The following SH2B2 variants were observed in gnomAD, a reference collection of about 807,000 sequenced individuals.
SH2B2 encodes the protein SH2B adapter protein 2.
SH2B2 carries 37 observed loss-of-function variants against 35.7 expected under a neutral mutation model. The observed-to-expected ratio is 1.04, with a 90% confidence interval of 0.80 to 1.36. The LOEUF is 1.36. SH2B2 is among the 40% of genes most tolerant of loss of function. The pLI is 0.00. For synonymous variants in SH2B2, 383 were observed against 376.4 expected (o/e 1.02, Z -0.20); for missense variants, 852 against 817.7 (o/e 1.04, Z -0.51).
intron 6 of SH2B2, among the ~76,000 whole-genome samples, chr7:102,315,744 GAAA>G (rs61456197): frequency 2.2e-5 from 2 of 90,588 alleles, no homozygotes; most frequent in Non-Finnish European, 3.9e-5. Flanking sequence ...CCTGTGAAAA[GAAA>G]AAAAAAAAAA....
At chr7:102,287,923 A>G (rs1792518623) in intron 1 of SH2B2, among the ~76,000 whole-genome samples, 1 of 152,162 alleles carries the variant, frequency 6.6e-6, no homozygotes, top group Non-Finnish European at 1.5e-5. Context: ...GAACACGAAT[A>G]AGCCAGGATC....
At chr7:102,305,633 TA>T (rs1328721895) in intron 2 of SH2B2, among the ~76,000 whole-genome samples, 5 of 152,140 alleles carry the variant, frequency 3.3e-5, no homozygotes, top group African/African-American at 1.2e-4. Context: ...ACAGGAAGGG[TA>T]ACTATTGTCT....
chr7:102,298,133 A>T (rs1253177847), intron 1 of SH2B2, among the ~76,000 whole-genome samples: 1 of 152,176 alleles, frequency 6.6e-6, no homozygotes, highest in Non-Finnish European at 1.5e-5. Context: ...GGGTAAACAG[A>T]GGCAGATTAT....
At chr7:102,316,224 CTA>C (rs1586602486) in intron 6 of SH2B2, among the ~76,000 whole-genome samples, 2 of 152,202 alleles carry the variant, frequency 1.3e-5, no homozygotes, top group East Asian at 3.9e-4. Flanking sequence ...CTGCAGTGAG[CTA>C]TGATTGTGCC....
At chr7:102,302,650 C>T (rs779434990) in intron 2 of SH2B2, among the ~76,000 whole-genome samples, 9 of 152,254 alleles carry the variant, frequency 5.9e-5, no homozygotes, top group Non-Finnish European at 1.2e-4. Flanking sequence ...GGGTACCCCA[C>T]CCCAGCGAGG....
intron 2 of SH2B2, among the ~76,000 whole-genome samples, chr7:102,303,959 C>T (rs76301657): frequency 0.018 from 2,817 of 152,280 alleles, 69 homozygotes; most frequent in African/African-American, 0.063. Context: ...GGGCCCTTCC[C>T]CTCCTTTGTG....
chr7:102,319,871 T>C (rs977817037), intron 7 of SH2B2, among the ~76,000 whole-genome samples: 10 of 151,664 alleles, frequency 6.6e-5, no homozygotes, highest in Non-Finnish European at 1.5e-4. Context: ...GAGCTTTCCA[T>C]GCCTCCGGGT....
intron 1 of SH2B2, among the ~76,000 whole-genome samples, chr7:102,299,020 A>T (rs1793035114): frequency 7.3e-6 from 1 of 136,556 alleles, no homozygotes; most frequent in African/African-American, 2.8e-5. Flanking sequence ...TCCGAGGTTC[A>T]CGCCATTCTC....
chr7:102,308,142 G>A (rs1271031742), intron 3 of SH2B2, among the ~76,000 whole-genome samples: 2 of 152,222 alleles, frequency 1.3e-5, no homozygotes, highest in Non-Finnish European at 2.9e-5. Flanking sequence ...CCAGAGACCT[G>A]GGTTCAGGCC....
At chr7:102,317,449 G>C (rs1586605263) in intron 7 of SH2B2, 54 bp downstream of exon 7, 1 of 1,455,038 alleles carries the variant, frequency 6.9e-7, no homozygotes, top group Non-Finnish European at 9.2e-7. Flanking sequence ...GAGGGAGAGG[G>C]GTCATGGTGA....
intron 6 of SH2B2, among the ~76,000 whole-genome samples, chr7:102,315,767 A>T (rs1464830514): frequency 7.0e-6 from 1 of 142,720 alleles, no homozygotes; most frequent in Non-Finnish European, 1.5e-5. Flanking sequence ...AAAAAAGAAA[A>T]GAAAAGAAGA....
chr7:102,317,353 T>G lies in SH2B2; in HGVS notation c.1353T>G (p.Pro451=). The part of the protein sequence containing the change: ...LFVIRQSETR[P]GEYVLTFNFQ... ...TGATCCGCCAAAGTGAGACTCGGCC[T>G]GGGGAGTACGTGCTGACCTTCAACT... The change falls in exon 7 of 9, where the codon CCT becomes CCG. Residue 451 remains proline, a synonymous_variant. Coordinates refer to ENST00000444095, the MANE Select transcript of SH2B2 (RefSeq NM_001359228.2). 6.2e-7 allele frequency: 1 copy of G among 1,606,506 alleles called. No individual in the cohort carries two copies. Among genetic ancestry groups the G allele is most frequent in the Non-Finnish European group, 8.5e-7 (1 of 1,174,326 alleles).
chr7:102,294,447 G>A (rs570734845), intron 1 of SH2B2, among the ~76,000 whole-genome samples: 2 of 152,266 alleles, frequency 1.3e-5, no homozygotes, highest in African/African-American at 4.8e-5. Context: ...AGGAGCTCCC[G>A]CCCTGCCCAT....
At chr7:102,299,006 C>T (rs558744347) in intron 1 of SH2B2, among the ~76,000 whole-genome samples, 11 of 147,036 alleles carry the variant, frequency 7.5e-5, no homozygotes, top group Admixed American at 3.4e-4. Flanking sequence ...CTGCAAGCTC[C>T]GCCTCCGAGG....
intron 8 of SH2B2, among the ~76,000 whole-genome samples, chr7:102,320,773 G>T (rs1794024952): frequency 6.6e-6 from 1 of 152,082 alleles, no homozygotes. Context: ...GTGTATGGGG[G>T]TGGGGACAGG....
intron 1 of SH2B2, among the ~76,000 whole-genome samples, chr7:102,298,843 C>CAGGCCAATGTGT (rs2132941640): frequency 6.6e-6 from 1 of 151,606 alleles, no homozygotes; most frequent in East Asian, 1.9e-4. Flanking sequence ...GCTGGAATTA[C>CAGGCCAATGTGT]AGGCCAATGT....
At chr7:102,294,924 T>G (rs1217872293) in intron 1 of SH2B2, among the ~76,000 whole-genome samples, 1 of 152,070 alleles carries the variant, frequency 6.6e-6, no homozygotes, top group Non-Finnish European at 1.5e-5. Flanking sequence ...CAGGGTTAGG[T>G]AGGAGAGGTC....
chr7:102,307,420 G>A (rs1004302549), intron 3 of SH2B2, among the ~76,000 whole-genome samples: 5 of 152,286 alleles, frequency 3.3e-5, no homozygotes, highest in Middle Eastern at 3.4e-3. Context: ...CAATGTCCCC[G>A]GGGAGGCCTG....
Position 102,314,591 on chromosome 7 carries a change from C to T in SH2B2, c.1095C>T (p.Ala365=), listed in dbSNP as rs1020949843. ...VTAPHSRGRD[A]VRESLIHVPL... Reference sequence around the variant, plus strand: ...CCCCCCACAGCCGAGGTCGAGATGCCGTCAGAGAATCCCTGATCCACGTCC... The same window carrying T: ...CCCCCCACAGCCGAGGTCGAGATGCTGTCAGAGAATCCCTGATCCACGTCC... The change falls in exon 6 of 9, where the codon GCC becomes GCT. Residue 365 remains alanine (A), a synonymous_variant. Coordinates refer to ENST00000444095, the MANE Select transcript of SH2B2 (RefSeq NM_001359228.2). 6.8e-5 allele frequency: 27 copies of T among 398,584 alleles called. No homozygotes were observed. The highest frequency in any genetic ancestry group is 1.3e-3 in the Middle Eastern group (2 of 1,588). The allele number at this position is 398,584 out of a possible 1,614,324, so 24.7% of individuals were successfully genotyped here.
Sources: allele counts gnomAD v4.1 joint callset (sites outside exome capture counted in the v4.1 genomes callset), GRCh38; gene constraint gnomAD v4.1.1; transcripts MANE v1.5; gene names NCBI Gene and HGNC (gene_info 2026-07-23, HGNC 2026-07-21).